The following SH3BP4 variants were observed in gnomAD, a reference collection of about 807,000 sequenced individuals.
The protein encoded by SH3BP4 is SH3 domain-binding protein 4.
A neutral mutation model predicts 65.5 loss-of-function variants in SH3BP4; 33 were observed. The observed-to-expected ratio is 0.50, with a 90% CI of 0.38 to 0.67. SH3BP4 has a LOEUF of 0.67. Among genes scored for constraint, SH3BP4 ranks in the 30% least tolerant of loss-of-function variants. The pLI, the probability that SH3BP4 is intolerant of heterozygous loss-of-function variation, is 0.00. For missense variants in SH3BP4, 1,134 were observed against 1,261.4 expected (o/e 0.90, Z 1.53); for synonymous variants, 552 against 545.5 (o/e 1.01, Z -0.17).
At chr2:235,029,379 A>G (rs1695105056) in intron 2 of SH3BP4, among the ~76,000 whole-genome samples, 1 of 152,142 alleles carries the variant, frequency 6.6e-6, no homozygotes, top group South Asian at 2.1e-4. Flanking sequence ...TACTGAAGGG[A>G]GCGCTTGGTG....
At position 235,053,568 on chromosome 2, in the gene SH3BP4, G is replaced by GA. The variant is rs747428934; in HGVS notation, c.2668-24_2668-23insA. The GA allele has an allele frequency of 5.7e-6, 9 of 1,591,712 alleles. No homozygotes were observed. The East Asian group carries it at 1.6e-4, about 28-fold the overall frequency. ...TCTTTCTTCCTCTCTCCCTCCTTTT[G>GA]TTTTTTACAACTCCACCTCCCAGGC... On this transcript the variant is annotated intron_variant, in intron 5 of 5. Transcript: ENST00000392011.
intron 2 of SH3BP4, among the ~76,000 whole-genome samples, chr2:235,002,417 C>T (rs1422437868): frequency 6.6e-6 from 1 of 152,054 alleles, no homozygotes; most frequent in Non-Finnish European, 1.5e-5. Context: ...GAAACTTGTG[C>T]CTCAGAGAAG....
chr2:234,999,790 A>G (rs193057036), intron 2 of SH3BP4, among the ~76,000 whole-genome samples: 5 of 152,366 alleles, frequency 3.3e-5, no homozygotes, highest in Non-Finnish European at 7.3e-5. Flanking sequence ...AATCTTCTCA[A>G]ACTTTGAGAA....
chr2:234,957,984 A>C (rs981632077), intron 1 of SH3BP4, among the ~76,000 whole-genome samples: 1 of 152,122 alleles, frequency 6.6e-6, no homozygotes, highest in Non-Finnish European at 1.5e-5. Context: ...TCCTACACTG[A>C]TGAGGTCCAC....
chr2:234,954,175 TC>T (rs1413502057), intron 1 of SH3BP4, among the ~76,000 whole-genome samples: 2 of 152,112 alleles, frequency 1.3e-5, no homozygotes, highest in Non-Finnish European at 2.9e-5. Flanking sequence ...ATTATTTTTT[TC>T]CTGTTGTCCC....
chr2:235,001,148 C>T (rs372392660), intron 2 of SH3BP4, among the ~76,000 whole-genome samples: 13 of 152,196 alleles, frequency 8.5e-5, no homozygotes, highest in Non-Finnish European at 4.4e-5. Flanking sequence ...CTGCTCTTCC[C>T]GGCCTTGGTC....
In SH3BP4 at chr2:234,967,578, G is replaced by A. The variant is rs891802787; in HGVS notation, c.-207+15408G>A. Among the ~76,000 whole-genome samples the A allele has an allele frequency of 2.0e-5, 3 of 152,200 alleles. No individual in the cohort carries two copies. Among genetic ancestry groups the A allele is most frequent in the African/African-American group, 4.8e-5 (2 of 41,442 alleles). Reference sequence around the variant, plus strand: ...TTGCACTTCCCTAAGTGGTATTGGAGCTGCGCTCATTGCAATAAGGAATTA... The same window carrying A: ...TTGCACTTCCCTAAGTGGTATTGGAACTGCGCTCATTGCAATAAGGAATTA... On this transcript the variant is annotated intron_variant, in intron 1 of 5. Coordinates refer to ENST00000392011, the MANE Select transcript of SH3BP4 (RefSeq NM_014521.3). This position sits in a 1 kb window ranked among gnomAD's most constrained non-coding sequence, Gnocchi z 4.6.
intron 4 of SH3BP4, among the ~76,000 whole-genome samples, chr2:235,051,817 C>T (rs1008466121): frequency 3.3e-5 from 5 of 152,236 alleles, no homozygotes; most frequent in East Asian, 1.9e-4. Flanking sequence ...AGGTCCAGCT[C>T]GCCCTCCATC....
intron 3 of SH3BP4, among the ~76,000 whole-genome samples, chr2:235,040,216 C>T (rs187440285): frequency 2.4e-4 from 37 of 151,760 alleles, no homozygotes; most frequent in Admixed American, 4.6e-4. Context: ...GCCTGGGTGG[C>T]GGAGTGAGAC....
rs1692862697 is a variant in SH3BP4 at position 234,967,185 on chromosome 2, TG to T, written c.-207+15016del. ...CAGAAGCCAGGAGTTAAGTCCAGGCTGTCTCAACCATGATACTGTTCTCCCC... is the reference window on the plus strand; with the variant it reads ...CAGAAGCCAGGAGTTAAGTCCAGGCTTCTCAACCATGATACTGTTCTCCCC... On this transcript the variant is annotated intron_variant, in intron 1 of 5. Transcript: ENST00000392011. This position sits in a 1 kb window ranked among gnomAD's most constrained non-coding sequence, Gnocchi z 4.6. Among the ~76,000 whole-genome samples the T allele has an allele frequency of 6.6e-6, 1 of 152,122 alleles. No homozygotes were observed. The highest frequency in any genetic ancestry group is 1.9e-4 in the East Asian group (1 of 5,192).
chr2:234,990,385 T>C (rs771481907), intron 1 of SH3BP4, among the ~76,000 whole-genome samples: 6 of 152,206 alleles, frequency 3.9e-5, no homozygotes, highest in Non-Finnish European at 8.8e-5. Flanking sequence ...GAAATAGGCT[T>C]ACACGTTTTC....
rs1308994167 is a variant in SH3BP4 at position 234,992,000 on chromosome 2, A to G, written c.-206-3303A>G. ...CCTGTCCAGGGAGCCTGCCGGGCTC[A>G]GCTTCAGGACCACAAGGCTGTTAAG... is the stretch of plus-strand genomic sequence containing the variant. On this transcript the variant is annotated intron_variant, in intron 1 of 5. Coordinates refer to ENST00000392011, the MANE Select transcript of SH3BP4 (RefSeq NM_014521.3). The surrounding 1 kb of genome is among the most constrained non-coding windows in gnomAD (Gnocchi z 4.2). Among the ~76,000 whole-genome samples, 1 of 152,242 alleles carries G rather than the reference A, an allele frequency of 6.6e-6. No homozygotes were observed. The highest frequency in any genetic ancestry group is 1.5e-5 in the Non-Finnish European group (1 of 68,042).
chr2:234,994,791 C>A (rs1210927148), intron 1 of SH3BP4: 1 of 152,256 alleles, frequency 6.6e-6, no homozygotes, highest in East Asian at 1.9e-4. Context: ...CCCTGTGAAG[C>A]GGAACGTGAT....
At position 235,033,345 on chromosome 2, in the gene SH3BP4, G is replaced by A. The variant is rs557445435; in HGVS notation, c.-132-1526G>A. On this transcript the variant is annotated intron_variant, in intron 2 of 5. Coordinates refer to ENST00000392011, the MANE Select transcript of SH3BP4 (RefSeq NM_014521.3). The surrounding 1 kb of genome is among the most constrained non-coding windows in gnomAD (Gnocchi z 5.7). ...GCTCTCTGGTGTCTCAAATAAAGGC[G>A]CTGATCTGATCATGAGGACCCCACC... Among the ~76,000 whole-genome samples the A allele has an allele frequency of 2.6e-5, 4 of 152,330 alleles. No individual in the cohort carries two copies. Among genetic ancestry groups the A allele is most frequent in the East Asian group, 1.9e-4 (1 of 5,182 alleles).
At chr2:234,995,916 G>A (rs1693901229) in intron 2 of SH3BP4, 1 of 152,230 alleles carries the variant, frequency 6.6e-6, no homozygotes, top group Non-Finnish European at 1.5e-5. Context: ...GAAACACGCT[G>A]GCAAAAAATG....
At chr2:235,006,900 A>G (rs1694313559) in intron 2 of SH3BP4, among the ~76,000 whole-genome samples, 2 of 151,976 alleles carry the variant, frequency 1.3e-5, no homozygotes, top group African/African-American at 2.4e-5. Context: ...TTTAGTGAAG[A>G]AGATTGGGGG....
intron 1 of SH3BP4, among the ~76,000 whole-genome samples, chr2:234,964,753 G>A (rs1246134352): frequency 2.0e-5 from 3 of 152,162 alleles, no homozygotes; most frequent in Non-Finnish European, 1.5e-5. Context: ...TGGCTGGATC[G>A]GACAGGTCCT....
At chr2:235,039,781 A>G (rs1202037122) in intron 3 of SH3BP4, among the ~76,000 whole-genome samples, 2 of 152,230 alleles carry the variant, frequency 1.3e-5, no homozygotes, top group Non-Finnish European at 2.9e-5. Context: ...GTTCAATGGC[A>G]GGAGCCATGA....
chr2:235,034,527 C>T lies in SH3BP4; in HGVS notation c.-132-344C>T, dbSNP rs1160827556. Among the ~76,000 whole-genome samples, 2 of 152,204 alleles carry T rather than the reference C, an allele frequency of 1.3e-5. No individual in the cohort carries two copies. The highest frequency in any genetic ancestry group is 4.8e-5 in the African/African-American group (2 of 41,452). On this transcript the variant is annotated intron_variant, in intron 2 of 5. Transcript: ENST00000392011. The surrounding 1 kb of genome is among the most constrained non-coding windows in gnomAD (Gnocchi z 6.2). ...CCTGCAGCTAGCAGCATGAACTGTA[C>T]AGTCCTGCGCTGTCCTCCTCTTTGA...
Sources: gnomAD v4.1 joint callset for allele counts (sites outside exome capture counted in the v4.1 genomes callset) on GRCh38, gnomAD v4.1.1 for gene constraint, Gnocchi (gnomAD v3.1) non-coding constraint, MANE v1.5 for transcripts, NCBI Gene and HGNC (gene_info 2026-07-23, HGNC 2026-07-21) for gene names.